The following ADGRG1 variants were observed in gnomAD, a reference collection of about 807,000 sequenced individuals.
ADGRG1 encodes adhesion G protein-coupled receptor G1.
A neutral mutation model predicts 73.5 loss-of-function variants in ADGRG1; 53 were observed. The ratio of observed to expected loss-of-function variants is 0.72; its 90% confidence interval spans 0.58 to 0.91. The LOEUF (loss-of-function observed/expected upper bound fraction) is 0.91. ADGRG1 is among the 40% of genes least tolerant of loss of function. ADGRG1 has a pLI of 0.00. For missense variants in ADGRG1, 795 were observed against 871.8 expected (o/e 0.91, Z 1.11); for synonymous variants, 394 against 374.4 (o/e 1.05, Z -0.60).
chr16:57,620,312 C>G (rs901388592), upstream of ADGRG1, among the ~76,000 whole-genome samples: 4 of 152,226 alleles, frequency 2.6e-5, no homozygotes, highest in East Asian at 3.8e-4. Flanking sequence ...GAGGCCCTGG[C>G]TGTTCTGGGG....
intron 1 of ADGRG1, chr16:57,646,463 A>C (rs1034281006): frequency 5.1e-6 from 5 of 985,178 alleles, no homozygotes; most frequent in African/African-American, 1.8e-5. Flanking sequence ...GTCAGACTGG[A>C]CTGGCCTGTT....
intron 1 of ADGRG1, chr16:57,646,802 G>T: frequency 1.2e-6 from 1 of 829,374 alleles, no homozygotes; most frequent in Non-Finnish European, 1.5e-6. Context: ...GTATCACAGG[G>T]TGGTTCTGAG....
At chr16:57,643,567 G>C (rs1158683523) in intron 1 of ADGRG1, 9 of 985,196 alleles carry the variant, frequency 9.1e-6, no homozygotes, top group Non-Finnish European at 1.1e-5. Flanking sequence ...ATGGGGGGTG[G>C]GGGGTGTCCA....
intron 3 of ADGRG1, chr16:57,652,265 C>T: frequency 2.2e-6 from 1 of 446,170 alleles, no homozygotes; most frequent in Non-Finnish European, 3.0e-6. Flanking sequence ...CCATTAAATG[C>T]TGAATGGTGG....
Position 57,631,106 on chromosome 16 carries a change from GC to G in ADGRG1, c.-36+2305del, listed in dbSNP as rs1287941856. On this transcript the variant is annotated intron_variant, in intron 1 of 13. Coordinates refer to ENST00000562631, the MANE Select transcript of ADGRG1 (RefSeq NM_201525.4). The stretch of plus-strand genomic sequence containing the variant: ...GTTGGCCAGGCAGTCCCAGTCTCTG[GC>G]TGCTGGGTTAAGGCTCAAGCTTGGG... The G allele has an allele frequency of 1.4e-5, 13 of 958,476 alleles. No individual in the cohort carries two copies. The Admixed American group carries it at 2.2e-4, about 16-fold the overall frequency. The allele number at this position is 958,476 out of a possible 1,614,324, so 59.4% of individuals were successfully genotyped here. A position where few individuals can be genotyped will look rare whatever the true frequency, so the allele number is the denominator to read the frequency against.
chr16:57,640,979 C>G, intron 1 of ADGRG1: 1 of 985,256 alleles, frequency 1.0e-6, no homozygotes, highest in Admixed American at 6.1e-5. Context: ...AACTGAGGTC[C>G]GGCTGTGGTT....
upstream of ADGRG1, chr16:57,628,061 T>G (rs996542494): frequency 1.8e-5 from 16 of 884,652 alleles, no homozygotes; most frequent in Non-Finnish European, 2.0e-5. Context: ...GGGAGACGGG[T>G]CACCCCCCGG....
chr16:57,653,029 C>A, intron 3 of ADGRG1, 174 bp from the exon 4 acceptor site: 1 of 1,481,704 alleles, frequency 6.7e-7, no homozygotes, highest in Non-Finnish European at 8.9e-7. Context: ...CACGGGTTGG[C>A]CTCATCTGAG....
chr16:57,638,900 T>C (rs1169053442), intron 1 of ADGRG1, among the ~76,000 whole-genome samples: 1 of 151,814 alleles, frequency 6.6e-6, no homozygotes, highest in Non-Finnish European at 1.5e-5. Context: ...TGAAACCCCG[T>C]CTCTACTAAA....
chr16:57,638,670 T>C (rs2039968480), intron 1 of ADGRG1, among the ~76,000 whole-genome samples: 1 of 152,186 alleles, frequency 6.6e-6, no homozygotes, highest in Admixed American at 6.5e-5. Context: ...TTAGAGGGTG[T>C]TCAGCTTGTT....
chr16:57,635,959 C>T (rs2039248738), intron 1 of ADGRG1: 1 of 985,424 alleles, frequency 1.0e-6, no homozygotes. Context: ...GCTCCCTGCC[C>T]TGCCCCAGCT....
chr16:57,659,340 CCT>C, intron 10 of ADGRG1, 71 bp from the exon 11 acceptor site: 3 of 1,609,356 alleles, frequency 1.9e-6, no homozygotes, highest in Non-Finnish European at 2.5e-6. Context: ...GGGAAGGCTT[CCT>C]GGAGGAGATG....
At position 57,661,932 on chromosome 16, in the gene ADGRG1, C is replaced by T. The variant is rs2047188536; in HGVS notation, c.1900C>T (p.Leu634Phe). 2.5e-6 allele frequency: 4 copies of T among 1,614,238 alleles called. No individual in the cohort carries two copies. Among genetic ancestry groups the T allele is most frequent in the Non-Finnish European group, 3.4e-6 (4 of 1,180,028 alleles). ...TTCTGGCACCTTCCAGCTTGTCGTC[C>T]TCTACCTTTTCAGCATCATCACCTC... ...FASGTFQLVV[L>F]YLFSIITSFQ... The change falls in exon 13 of 14, where the codon CTC (leucine) becomes TTC (phenylalanine). Residue 634 changes from leucine (L) to phenylalanine (F), a missense_variant. Leu to Phe is a conservative substitution (Grantham distance 22, BLOSUM62 0). Coordinates refer to ENST00000562631, the MANE Select transcript of ADGRG1 (RefSeq NM_201525.4).
rs4784002 is a variant in ADGRG1, at chr16:57,663,773, C to T, written c.*191C>T. ...TGGGCTTTTGAATTGGCCTTGGGGA[C>T]TACTCGGCTCTCACTCAGCTCCCAC... On this transcript the variant is annotated 3_prime_UTR_variant, in exon 14 of 14. Transcript: ENST00000562631. The T allele has an allele frequency of 1.5e-6, 1 of 646,630 alleles. No homozygotes were observed. Among genetic ancestry groups the T allele is most frequent in the Non-Finnish European group, 2.7e-6 (1 of 368,436 alleles). The allele number at this position is 646,630 out of a possible 1,614,324, so 40.1% of individuals were successfully genotyped here. A position where few individuals can be genotyped will look rare whatever the true frequency, so the allele number is the denominator to read the frequency against.
intron 1 of ADGRG1, chr16:57,631,782 C>T (rs986820705): frequency 5.1e-5 from 50 of 985,502 alleles, no homozygotes; most frequent in South Asian, 4.7e-5. Context: ...TCTCCTGAGC[C>T]GTCACTTGGC....
intron 4 of ADGRG1, 104 bp downstream of exon 4, chr16:57,653,439 G>T: frequency 6.4e-7 from 1 of 1,554,802 alleles, no homozygotes; most frequent in East Asian, 2.3e-5. Context: ...GGCCTTCCCT[G>T]GGACTGGAAT....
intron 1 of ADGRG1, chr16:57,645,327 C>G: frequency 2.0e-6 from 2 of 985,268 alleles, no homozygotes; most frequent in Non-Finnish European, 2.4e-6. Flanking sequence ...CTGGAGATTG[C>G]CTCCGGGGCT....
At chr16:57,659,160 G>A (rs1409086550) in intron 10 of ADGRG1, 8 of 985,218 alleles carry the variant, frequency 8.1e-6, no homozygotes, top group Admixed American at 6.1e-5. Context: ...TGTCTTCCTC[G>A]CTCTGCCTGG....
upstream of ADGRG1, chr16:57,624,657 C>G: frequency 1.1e-6 from 1 of 895,240 alleles, no homozygotes; most frequent in South Asian, 5.1e-5. Flanking sequence ...TGAAGACCTC[C>G]TCCTAGCCCT....
Sources: gnomAD v4.1 joint callset for allele counts (sites outside exome capture counted in the v4.1 genomes callset) on GRCh38, gnomAD v4.1.1 for gene constraint, MANE v1.5 for transcripts, NCBI Gene and HGNC (gene_info 2026-07-23, HGNC 2026-07-21) for gene names.